The following FAT3 variants were observed in gnomAD, a reference collection of about 807,000 sequenced individuals.
FAT3 encodes protocadherin Fat 3.
Under a neutral mutation model 310.2 loss-of-function variants are expected in FAT3, and 95 were observed. That is an observed-to-expected ratio of 0.31 (90% CI 0.26 to 0.36). FAT3 has a LOEUF of 0.36. FAT3 is among the 10% of genes least tolerant of loss of function. FAT3 has a pLI of 1.00. For synonymous variants in FAT3, 2,314 were observed against 2,192.9 expected (o/e 1.06, Z -1.54); for missense variants, 5,408 against 5,715.6 (o/e 0.95, Z 1.74).
chr11:92,499,587 CA>C (rs1263507416), intron 2 of FAT3, among the ~76,000 whole-genome samples: 1 of 151,832 alleles, frequency 6.6e-6, no homozygotes, highest in Non-Finnish European at 1.5e-5. Flanking sequence ...ATGCTGATAG[CA>C]AAAAAATTTG....
intron 2 of FAT3, among the ~76,000 whole-genome samples, chr11:92,387,581 G>T (rs1949654445): frequency 6.6e-6 from 1 of 152,180 alleles, no homozygotes; most frequent in African/African-American, 2.4e-5. Flanking sequence ...GGTTGTGTCT[G>T]TGTCTGTGTG....
At chr11:92,660,930 T>C (rs1362916286) in intron 3 of FAT3, among the ~76,000 whole-genome samples, 1 of 152,212 alleles carries the variant, frequency 6.6e-6, no homozygotes, top group Non-Finnish European at 1.5e-5. Context: ...TTTATCAGCA[T>C]TTAGGTCCAA....
At chr11:92,265,078 C>T (rs990495317) in intron 1 of FAT3, among the ~76,000 whole-genome samples, 2 of 151,852 alleles carry the variant, frequency 1.3e-5, no homozygotes, top group African/African-American at 2.4e-5. Context: ...GAAATCACCA[C>T]AGGTTCCCTG....
At chr11:92,386,741 T>G (rs1442703681) in intron 2 of FAT3, among the ~76,000 whole-genome samples, 1 of 152,206 alleles carries the variant, frequency 6.6e-6, no homozygotes, top group Non-Finnish European at 1.5e-5. Flanking sequence ...CCCCAGGGGC[T>G]GTTTTATTTG....
chr11:92,704,111 T>G (rs1944188309), intron 4 of FAT3, among the ~76,000 whole-genome samples: 1 of 152,222 alleles, frequency 6.6e-6, no homozygotes, highest in South Asian at 2.1e-4. Flanking sequence ...TTTCTCGCTC[T>G]CATTTTGTAA....
chr11:92,354,967 G>A lies in FAT3; in HGVS notation c.2855G>A (p.Gly952Asp). Reference sequence around the variant, plus strand: ...AAGGTTCTTGAAGATCTCCCTGTTGGCACTGTCATTGCTTGGCTTGAGACC... The same window carrying A: ...AAGGTTCTTGAAGATCTCCCTGTTGACACTGTCATTGCTTGGCTTGAGACC... ...SVKVLEDLPV[G>D]TVIAWLETHD... The change falls in exon 2 of 28, where the codon GGC becomes GAC. Residue 952 changes from glycine to aspartate, a missense_variant. This residue lies in a region of FAT3 where 4,588 missense variants were observed against 4,809.8 expected (regional missense o/e 0.95). Coordinates refer to ENST00000525166, the MANE Select transcript of FAT3 (RefSeq NM_001367949.2). 1.9e-6 allele frequency: 3 copies of A among 1,613,790 alleles called. No homozygotes were observed. The highest frequency in any genetic ancestry group is 2.5e-6 in the Non-Finnish European group (3 of 1,179,836).
At chr11:92,571,342 T>C (rs1591468428) in intron 3 of FAT3, among the ~76,000 whole-genome samples, 1 of 151,604 alleles carries the variant, frequency 6.6e-6, no homozygotes, top group African/African-American at 2.4e-5. Context: ...CAGCTAGGGG[T>C]GAGGGAAGGG....
At chr11:92,474,306 A>G (rs1951990293) in intron 2 of FAT3, among the ~76,000 whole-genome samples, 1 of 152,230 alleles carries the variant, frequency 6.6e-6, no homozygotes, top group African/African-American at 2.4e-5. Context: ...AGGAGTATAT[A>G]CATTAGAGGT....
chr11:92,863,915 A>G (rs948787318), intron 21 of FAT3, among the ~76,000 whole-genome samples: 1 of 152,240 alleles, frequency 6.6e-6, no homozygotes, highest in African/African-American at 2.4e-5. Flanking sequence ...TGTCATATAA[A>G]CAAAGCTGGT....
At chr11:92,653,461 C>A (rs1044526942) in intron 3 of FAT3, among the ~76,000 whole-genome samples, 1 of 152,136 alleles carries the variant, frequency 6.6e-6, no homozygotes, top group Non-Finnish European at 1.5e-5. Flanking sequence ...GGGCCTGAAT[C>A]ATCCATGCAG....
At chr11:92,854,410 G>A (rs550211413) in intron 19 of FAT3, among the ~76,000 whole-genome samples, 23 of 152,208 alleles carry the variant, frequency 1.5e-4, no homozygotes, top group African/African-American at 5.5e-4. Flanking sequence ...CAACTCAGTA[G>A]GGGGGTGGGG....
chr11:92,571,405 C>G (rs1376172070), intron 3 of FAT3, among the ~76,000 whole-genome samples: 1 of 152,172 alleles, frequency 6.6e-6, no homozygotes, highest in Non-Finnish European at 1.5e-5. Context: ...GCAGCTATCA[C>G]CGCAGGACCT....
Position 92,453,399 on chromosome 11 carries a change from G to C in FAT3, c.3293-71235G>C, listed in dbSNP as rs79393333. Among the ~76,000 whole-genome samples, 1,364 of 152,024 alleles carry C rather than the reference G, an allele frequency of 9.0e-3. 9 individuals carry two copies. The highest frequency in any genetic ancestry group is 0.016 in the South Asian group (78 of 4,814). On this transcript the variant is annotated intron_variant, in intron 2 of 27. Transcript: ENST00000525166. The stretch of plus-strand genomic sequence containing the variant: ...TTGAGTCTTTTCCTTGTTTTAGTCA[G>C]CTTTCCAAGTTCTTTGGCCCCAAAT...
chr11:92,307,025 G>A (rs1947160192), intron 1 of FAT3, among the ~76,000 whole-genome samples: 1 of 150,616 alleles, frequency 6.6e-6, no homozygotes, highest in Admixed American at 6.7e-5. Context: ...TCCAACTCTT[G>A]GGGTCAAGTT....
chr11:92,743,369 G>A (rs1945561977), intron 4 of FAT3, among the ~76,000 whole-genome samples: 1 of 152,218 alleles, frequency 6.6e-6, no homozygotes, highest in Non-Finnish European at 1.5e-5. Flanking sequence ...CTAGAGAATG[G>A]CATTGGGTGA....
chr11:92,775,651 G>T (rs1359145994), intron 7 of FAT3, among the ~76,000 whole-genome samples: 3 of 152,096 alleles, frequency 2.0e-5, no homozygotes, highest in Non-Finnish European at 4.4e-5. Context: ...ATTAATAATT[G>T]TTATATAAAA....
chr11:92,849,383 A>G (rs77807840), intron 19 of FAT3, among the ~76,000 whole-genome samples: 2,318 of 152,240 alleles, frequency 0.015, 61 homozygotes, highest in African/African-American at 0.053. Flanking sequence ...ACAAGGCAGC[A>G]CTGAGATGAT....
rs1356179644 is a variant in FAT3, at chr11:92,798,297, G to A, written c.5284G>A (p.Glu1762Lys). The change falls in exon 10 of 28, where the codon GAA becomes AAA. Residue 1762 changes from glutamate (E) to lysine (K), a missense_variant. Physicochemically the swap from Glu to Lys is moderately conservative, Grantham distance 56. Transcript: ENST00000525166. The stretch of plus-strand genomic sequence containing the variant: ...TACAGTCAATATTCAGATTGTTGAT[G>A]AAAATGATAATGCCCCAGTTTTTCT... ...NATVNIQIVD[E>K]NDNAPVFLFS... is the part of the protein sequence containing the mutation. 1.2e-6 allele frequency: 2 copies of A among 1,613,742 alleles called. No homozygotes were observed. Among genetic ancestry groups the A allele is most frequent in the Non-Finnish European group, 1.7e-6 (2 of 1,179,864 alleles).
At chr11:92,646,199 C>G (rs1226344749) in intron 3 of FAT3, among the ~76,000 whole-genome samples, 1 of 152,092 alleles carries the variant, frequency 6.6e-6, no homozygotes, top group African/African-American at 2.4e-5. Flanking sequence ...GTCTAGAGAG[C>G]CCAGGACAGC....
Sources: gnomAD v4.1 joint callset for allele counts (sites outside exome capture counted in the v4.1 genomes callset) on GRCh38, gnomAD v4.1.1 for gene constraint, gnomAD v4.1.1 regional missense constraint, MANE v1.5 for transcripts, NCBI Gene and HGNC (gene_info 2026-07-23, HGNC 2026-07-21) for gene names.